Variants in LMBRD2 observed in about 807,000 individuals in gnomAD.
The protein encoded by LMBRD2 is G protein-coupled receptor-associated protein LMBRD2.
In LMBRD2, 55 loss-of-function variants were observed where a neutral mutation model predicts 94.4. That is an observed-to-expected ratio of 0.58 (90% CI 0.47 to 0.73). The LOEUF (loss-of-function observed/expected upper bound fraction) is 0.73, where lower values mean the gene tolerates loss of function less well. Ranked by LOEUF, LMBRD2 falls within the 30% of genes least tolerant of loss-of-function variation. LMBRD2 has a pLI of 0.00. For synonymous variants in LMBRD2, 246 were observed against 272.4 expected, an observed-to-expected ratio of 0.90 and a Z score of 0.95; for missense variants, 640 against 831.9, an observed-to-expected ratio of 0.77 and a Z score of 2.84.
At chr5:36,147,975 A>G in intron 1 of LMBRD2, 1 of 263,654 alleles carries the variant, frequency 3.8e-6, no homozygotes, top group South Asian at 3.3e-5. Context: ...TTAGGTTCCA[A>G]TTGGAAATTT....
In LMBRD2 at chr5:36,151,057, T is replaced by G. The variant is rs1297237993; in HGVS notation, c.-58+499A>C. 1.3e-5 allele frequency among the ~76,000 whole-genome samples: 2 copies of G among 152,214 alleles called. No individual in the cohort carries two copies. Among genetic ancestry groups the G allele is most frequent in the African/African-American group, 4.8e-5 (2 of 41,460 alleles). ...CCCGGGGTCACAGTTGTAGTATAGT[T>G]TGCCCAATGGATTTCGCATGGTCAT... is the stretch of plus-strand genomic sequence containing the variant. On this transcript the variant is annotated intron_variant, in intron 1 of 17. Transcript: ENST00000296603. The surrounding 1 kb of genome is among the most constrained non-coding windows in gnomAD (Gnocchi z 4.7).
chr5:36,123,834 T>C (rs1743943688), intron 7 of LMBRD2, among the ~76,000 whole-genome samples: 1 of 151,734 alleles, frequency 6.6e-6, no homozygotes, highest in Admixed American at 6.6e-5. Context: ...AAATAACGTG[T>C]AGGCAGCTGA....
intron 6 of LMBRD2, among the ~76,000 whole-genome samples, 200 bp from the exon 7 acceptor site, chr5:36,124,465 T>C (rs1219131205): frequency 6.6e-6 from 1 of 152,190 alleles, no homozygotes; most frequent in Non-Finnish European, 1.5e-5. Flanking sequence ...CCTGAACTTT[T>C]CCTTACTTTC....
chr5:36,108,505 C>G (rs1743525288), intron 16 of LMBRD2, 29 bp downstream of exon 16: 3 of 1,200,834 alleles, frequency 2.5e-6, no homozygotes, highest in Non-Finnish European at 3.6e-6. Context: ...AAAACAATTT[C>G]CAAGTGAACT....
At chr5:36,141,277 G>A (rs1360713757) in intron 3 of LMBRD2, 75 bp from the exon 4 acceptor site, 1 of 812,968 alleles carries the variant, frequency 1.2e-6, no homozygotes, top group Non-Finnish European at 2.0e-6. Flanking sequence ...TTTGCATGTG[G>A]CCAAGTTAAT....
At chr5:36,138,295 T>C (rs953813817) in intron 4 of LMBRD2, among the ~76,000 whole-genome samples, 2 of 152,164 alleles carry the variant, frequency 1.3e-5, no homozygotes, top group Non-Finnish European at 2.9e-5. Flanking sequence ...AGATATCAAA[T>C]ATAGAGAATT....
Position 36,122,881 on chromosome 5 carries a change from T to C in LMBRD2, c.903A>G (p.Pro301=). Residue 301 remains proline, a synonymous_variant, in exon 8 of 18, where the codon CCA becomes CCG. Coordinates refer to ENST00000296603, the MANE Select transcript of LMBRD2 (RefSeq NM_001007527.2). ...GCAGTTTTACCAGACTTTTTTCACTTGGATAGATACTATGCTTTTCATCAA... is the reference window on the plus strand; with the variant it reads ...GCAGTTTTACCAGACTTTTTTCACTCGGATAGATACTATGCTTTTCATCAA... ...EDFDEKHSIY[P]SEKSLVKLHK... 1.9e-6 allele frequency: 3 copies of C among 1,595,498 alleles called. No homozygotes were observed. The highest frequency in any genetic ancestry group is 2.6e-6 in the Non-Finnish European group (3 of 1,174,482).
chr5:36,130,526 T>A (rs2111888736), intron 6 of LMBRD2, among the ~76,000 whole-genome samples: 1 of 151,044 alleles, frequency 6.6e-6, no homozygotes, highest in East Asian at 1.9e-4. Context: ...GAAAAGAATA[T>A]CACAAAACAA....
intron 4 of LMBRD2, among the ~76,000 whole-genome samples, chr5:36,137,717 G>A (rs1028082210): frequency 1.1e-4 from 16 of 152,136 alleles, no homozygotes; most frequent in African/African-American, 3.9e-4. Flanking sequence ...AGTTTCCTAA[G>A]GCTTCACACG....
intron 5 of LMBRD2, 122 bp from the exon 6 acceptor site, chr5:36,136,641 A>T: frequency 1.4e-6 from 1 of 731,812 alleles, no homozygotes; most frequent in Non-Finnish European, 2.3e-6. Context: ...CATCTAGAAT[A>T]ATTCATGGCA....
At chr5:36,128,951 A>T (rs1744071189) in intron 6 of LMBRD2, among the ~76,000 whole-genome samples, 1 of 152,242 alleles carries the variant, frequency 6.6e-6, no homozygotes, top group Admixed American at 6.5e-5. Context: ...AAATGCATTG[A>T]CATATTGAAG....
At position 36,108,638 on chromosome 5, in the gene LMBRD2, T is replaced by C; in HGVS notation, c.1793A>G (p.Glu598Gly). The C allele has an allele frequency of 1.4e-6, 2 of 1,464,354 alleles. No individual in the cohort carries two copies. The highest frequency in any genetic ancestry group is 1.9e-6 in the Non-Finnish European group (2 of 1,072,360). The allele number at this position is 1,464,354 out of a possible 1,614,324, so 90.7% of individuals were successfully genotyped here. ...ATTGTGTCCATAACGTTCTTTCCAT[T>C]CCTAGAAAAGAAGCACAAATAATCA... ...RQEEGENRRR[E>G]WKERYGHNRE... The change falls in exon 16 of 18, where the codon GAA (glutamate) becomes GGA (glycine). Residue 598 changes from glutamate (E) to glycine (G), a missense_variant and splice_region_variant. This residue lies in a region of LMBRD2 where 183 missense variants were observed against 189.1 expected (regional missense o/e 0.97). Coordinates refer to ENST00000296603, the MANE Select transcript of LMBRD2 (RefSeq NM_001007527.2).
In LMBRD2 at chr5:36,103,104, A is replaced by G. The variant is rs1405593140; in HGVS notation, c.*942T>C. On this transcript the variant is annotated 3_prime_UTR_variant, in exon 18 of 18. Coordinates refer to ENST00000296603, the MANE Select transcript of LMBRD2 (RefSeq NM_001007527.2). ...AAACCACGATTTAAGTATCAGTAAT[A>G]ACAGTAAATGGATTCACTTTTTACC... The G allele has an allele frequency of 1.3e-5, 2 of 152,284 alleles. No homozygotes were observed. The highest frequency in any genetic ancestry group is 4.8e-5 in the African/African-American group (2 of 41,446). 9.4% of individuals were successfully genotyped at this position (152,284 alleles called of 1,614,324 possible).
chr5:36,116,166 T>A (rs1743739686), intron 11 of LMBRD2, among the ~76,000 whole-genome samples: 1 of 152,148 alleles, frequency 6.6e-6, no homozygotes, highest in Non-Finnish European at 1.5e-5. Flanking sequence ...TCTGACTTAG[T>A]CTCTAAACTG....
In LMBRD2 at chr5:36,122,976, A is replaced by AG; in HGVS notation, c.823-16_823-15insC. On this transcript the variant is annotated splice_polypyrimidine_tract_variant and intron_variant, in intron 7 of 17. Transcript: ENST00000296603. The stretch of plus-strand genomic sequence containing the variant: ...TCTGTAGGGCACTAAAAAAAAAAAA[A>AG]AGTAGATTTTTAAAAATCTTAATTG... 6.8e-7 allele frequency: 1 copy of AG among 1,468,512 alleles called. No individual in the cohort carries two copies. The highest frequency in any genetic ancestry group is 1.5e-5 in the South Asian group (1 of 66,766). 91.0% of individuals were successfully genotyped at this position (1,468,512 alleles called of 1,614,324 possible).
intron 7 of LMBRD2, 46 bp downstream of exon 7, chr5:36,124,145 T>C (rs766293554): frequency 9.2e-7 from 1 of 1,091,742 alleles, no homozygotes; most frequent in East Asian, 2.5e-5. Context: ...TATAATATTA[T>C]ATAAGTGTAT....
At chr5:36,110,299 T>G (rs143322122) in intron 14 of LMBRD2, among the ~76,000 whole-genome samples, 134 of 152,240 alleles carry the variant, frequency 8.8e-4, no homozygotes, top group Non-Finnish European at 1.3e-3. Context: ...TCTTCTAAGT[T>G]AAGTTCATAC....
At chr5:36,131,980 T>C (rs34356513) in intron 6 of LMBRD2, among the ~76,000 whole-genome samples, 2,291 of 152,252 alleles carry the variant, frequency 0.015, 35 homozygotes, top group Non-Finnish European at 0.024. Flanking sequence ...AAAATTTATA[T>C]GGAACCACAA....
intron 17 of LMBRD2, among the ~76,000 whole-genome samples, chr5:36,104,764 T>C (rs1298158084): frequency 6.6e-6 from 1 of 152,052 alleles, no homozygotes; most frequent in Non-Finnish European, 1.5e-5. Context: ...AATAGGCATA[T>C]AAATATTGTT....
Sources: allele counts gnomAD v4.1 joint callset (sites outside exome capture counted in the v4.1 genomes callset), GRCh38; gene constraint gnomAD v4.1.1; regional missense constraint gnomAD v4.1.1; non-coding constraint Gnocchi (gnomAD v3.1); transcripts MANE v1.5; gene names NCBI Gene and HGNC (gene_info 2026-07-23, HGNC 2026-07-21).